NBEAL1: variants seen among roughly 807,000 people sequenced by gnomAD.
NBEAL1 encodes neurobeachin-like protein 1.
A neutral mutation model predicts 351.3 loss-of-function variants in NBEAL1; 273 were observed. The observed-to-expected ratio is 0.78, with a 90% CI of 0.70 to 0.86. The LOEUF is 0.86. NBEAL1 is among the 40% of genes least tolerant of loss of function. The pLI, the probability that NBEAL1 is intolerant of heterozygous loss-of-function variation, is 0.00. For missense variants in NBEAL1, 2,961 were observed against 3,201.3 expected (o/e 0.92, Z 1.81); for synonymous variants, 1,050 against 1,086.4 (o/e 0.97, Z 0.66).
intron 9 of NBEAL1, 117 bp downstream of exon 9, chr2:203,083,642 C>T (rs2061911007): frequency 1.1e-5 from 8 of 756,636 alleles, no homozygotes; most frequent in Non-Finnish European, 1.4e-5. Context: ...ATTCAGATAT[C>T]ATATGACTGC....
In NBEAL1 at chr2:203,218,744, T is replaced by G. The variant is rs1221865596; in HGVS notation, c.*1390T>G. 1 of 152,156 alleles carries G rather than the reference T, an allele frequency of 6.6e-6. No individual in the cohort carries two copies. The highest frequency in any genetic ancestry group is 1.5e-5 in the Non-Finnish European group (1 of 68,012). The allele number at this position is 152,156 out of a possible 1,614,324, so 9.4% of individuals were successfully genotyped here. ...TCCAGTGCCCTTTTCTTTATAATCT[T>G]TTGAGTGAGTAAAAAAATTTTAAGA... On this transcript the variant is annotated 3_prime_UTR_variant, in exon 56 of 56. Transcript: ENST00000683969.
intron 55 of NBEAL1, among the ~76,000 whole-genome samples, chr2:203,216,016 A>C (rs1291263125): frequency 6.6e-6 from 1 of 152,024 alleles, no homozygotes; most frequent in Non-Finnish European, 1.5e-5. Context: ...GTCTAAAAAA[A>C]AAAAAAAAAA....
chr2:203,077,877 T>G lies in NBEAL1; in HGVS notation c.684+40T>G, dbSNP rs1178963492. ...GAAATTTAATAAATAAAATTATAAT[T>G]AACAGTGCAAAAAGCTTTCCATAGA... is the stretch of plus-strand genomic sequence containing the variant. On this transcript the variant is annotated intron_variant, in intron 8 of 55. Transcript: ENST00000683969. The G allele has an allele frequency of 2.6e-6, 3 of 1,145,978 alleles. No homozygotes were observed. The African/African-American group carries it at 4.8e-5, about 18-fold the overall frequency. The allele number at this position is 1,145,978 out of a possible 1,614,324, so 71.0% of individuals were successfully genotyped here.
Position 203,213,613 on chromosome 2 carries a change from A to G in NBEAL1, c.8030A>G (p.Asp2677Gly). The G allele has an allele frequency of 6.2e-7, 1 of 1,614,088 alleles. No homozygotes were observed. Among genetic ancestry groups the G allele is most frequent in the Non-Finnish European group, 8.5e-7 (1 of 1,179,978 alleles). ...AGCCATATTCTTGTAGGTTTAGAAG[A>G]TGGCAAATTGATTGTAGTGGGTGTT... is the stretch of plus-strand genomic sequence containing the variant. Reference protein sequence around the residue: ...EYSHILVGLEDGKLIVVGVGK... With the variant: ...EYSHILVGLEGGKLIVVGVGK... The change falls in exon 55 of 56, where the codon GAT becomes GGT. Residue 2677 changes from aspartate (D) to glycine (G), a missense_variant. Coordinates refer to ENST00000683969, the MANE Select transcript of NBEAL1 (RefSeq NM_001378026.1).
At chr2:203,138,808 T>G in intron 31 of NBEAL1, 60 bp downstream of exon 31, 5 of 1,458,486 alleles carry the variant, frequency 3.4e-6, no homozygotes, top group Non-Finnish European at 4.6e-6. Flanking sequence ...ATTATTTATG[T>G]AACAAGCCAG....
chr2:203,029,237 G>A (rs532154028), intron 2 of NBEAL1, among the ~76,000 whole-genome samples: 3 of 152,084 alleles, frequency 2.0e-5, no homozygotes, highest in Non-Finnish European at 2.9e-5. Context: ...TGCTCTGCCC[G>A]CCTCAGCTTC....
intron 34 of NBEAL1, 121 bp from the exon 35 acceptor site, chr2:203,151,344 A>G: frequency 4.4e-6 from 3 of 687,824 alleles, no homozygotes; most frequent in Non-Finnish European, 6.5e-6. Context: ...AAAAATAAAA[A>G]TAAAATAAAA....
chr2:203,076,779 ACAGGATTT>A (rs2106150109), intron 7 of NBEAL1, among the ~76,000 whole-genome samples: 1 of 151,644 alleles, frequency 6.6e-6, no homozygotes, highest in Non-Finnish European at 1.5e-5. Flanking sequence ...TTTAGTAGAG[ACAGGATTT>A]CACCATGTTG....
At chr2:203,177,280 A>G (rs2064538446) in intron 42 of NBEAL1, among the ~76,000 whole-genome samples, 3 of 151,874 alleles carry the variant, frequency 2.0e-5, no homozygotes, top group African/African-American at 7.3e-5. Context: ...CACACCTATA[A>G]CTTCAGCTAC....
rs183384743 is a variant in NBEAL1 at position 203,198,582 on chromosome 2, T to A, written c.7129-756T>A. Among the ~76,000 whole-genome samples the A allele has an allele frequency of 5.2e-3, 792 of 152,216 alleles. 8 individuals carry two copies. Among genetic ancestry groups the A allele is most frequent in the African/African-American group, 0.018 (742 of 41,540 alleles). On this transcript the variant is annotated intron_variant, in intron 48 of 55. Transcript: ENST00000683969. ...ATAATCTTCCTAAAGAAAGATAAAT[T>A]GGGCTGAGCGCAGTGGCTCACACCT...
intron 3 of NBEAL1, among the ~76,000 whole-genome samples, chr2:203,045,112 ATCTT>A (rs2061205457): frequency 6.6e-6 from 1 of 152,174 alleles, no homozygotes; most frequent in African/African-American, 2.4e-5. Flanking sequence ...ATTAAAAAAA[ATCTT>A]TCTGAGGAGC....
chr2:203,182,105 G>T (rs1042614469), intron 43 of NBEAL1: 3 of 152,124 alleles, frequency 2.0e-5, no homozygotes, highest in African/African-American at 4.8e-5. Context: ...AAAACAGAAT[G>T]CCTTTAGGAA....
In NBEAL1 at chr2:203,020,452, T is replaced by G. The variant is rs184575964; in HGVS notation, c.51+4017T>G. Among the ~76,000 whole-genome samples the G allele has an allele frequency of 2.1e-3, 315 of 152,190 alleles. 1 individual carries two copies. Among genetic ancestry groups the G allele is most frequent in the African/African-American group, 7.1e-3 (295 of 41,534 alleles). On this transcript the variant is annotated intron_variant, in intron 2 of 55. Transcript: ENST00000683969. ...CTGGAAGGCTGAGGTGGATGGATCA[T>G]TTGAGATCAGGAGTTTGAAACCAGC...
At chr2:203,166,617 G>A (rs2064140561) in intron 37 of NBEAL1, among the ~76,000 whole-genome samples, 1 of 152,110 alleles carries the variant, frequency 6.6e-6, no homozygotes, top group South Asian at 2.1e-4. Context: ...TGCGATCTCG[G>A]CTCACTGAGA....
intron 36 of NBEAL1, among the ~76,000 whole-genome samples, chr2:203,162,165 AGGTGT>A: frequency 1.3e-5 from 2 of 151,120 alleles, no homozygotes. Context: ...CTGGAATTAC[AGGTGT>A]GTGCCACTAC....
chr2:203,150,269 G>T (rs2063614768), intron 34 of NBEAL1, among the ~76,000 whole-genome samples: 1 of 152,012 alleles, frequency 6.6e-6, no homozygotes, highest in Non-Finnish European at 1.5e-5. Context: ...GAGTAAAGTG[G>T]TATTTTATGA....
intron 3 of NBEAL1, among the ~76,000 whole-genome samples, chr2:203,046,181 C>CT (rs1044745584): frequency 3.0e-4 from 44 of 146,130 alleles, no homozygotes; most frequent in Admixed American, 3.4e-4. Flanking sequence ...GAACTAGAAA[C>CT]TTTTTTTTTT....
chr2:203,199,544 A>ATTTTT, intron 49 of NBEAL1, 97 bp downstream of exon 49: 1 of 479,364 alleles, frequency 2.1e-6, no homozygotes, highest in Non-Finnish European at 3.6e-6. Flanking sequence ...TGAAAGAAAT[A>ATTTTT]TTTTTTTTTT....
chr2:203,140,684 A>G (rs564513300), intron 31 of NBEAL1, among the ~76,000 whole-genome samples: 12 of 151,980 alleles, frequency 7.9e-5, no homozygotes, highest in Admixed American at 5.2e-4. Flanking sequence ...ACTTAAAAAA[A>G]ATGATTATAC....
Sources: gnomAD v4.1 joint callset for allele counts (sites outside exome capture counted in the v4.1 genomes callset) on GRCh38, gnomAD v4.1.1 for gene constraint, MANE v1.5 for transcripts, NCBI Gene and HGNC (gene_info 2026-07-23, HGNC 2026-07-21) for gene names.